The following PREP variants were observed in gnomAD, a reference collection of about 807,000 sequenced individuals.
PREP encodes the protein dJ355L5.1 (prolyl endopeptidase).
Under a neutral mutation model 87.6 loss-of-function variants are expected in PREP, and 29 were observed. The ratio of observed to expected loss-of-function variants is 0.33; its 90% CI spans 0.25 to 0.45. PREP has a LOEUF of 0.45. Among genes scored for constraint, PREP ranks in the 20% least tolerant of loss-of-function variants. The probability of loss-of-function intolerance (pLI) is 1.00; values close to 1 mark genes in which losing one functional copy is unlikely to be tolerated. For synonymous variants in PREP, 337 were observed against 328.6 expected, an observed-to-expected ratio of 1.03 and a Z score of -0.28; for missense variants, 695 against 886.5, an observed-to-expected ratio of 0.78 and a Z score of 2.74.
At chr6:105,390,717 C>T (rs1457827226) in intron 2 of PREP, among the ~76,000 whole-genome samples, 1 of 152,142 alleles carries the variant, frequency 6.6e-6, no homozygotes, top group Non-Finnish European at 1.5e-5. Flanking sequence ...ATTACTTCTA[C>T]TTGGACCCCT....
chr6:105,281,984 C>T, intron 13 of PREP, 82 bp from the exon 14 acceptor site: 2 of 1,494,506 alleles, frequency 1.3e-6, no homozygotes, highest in Non-Finnish European at 9.0e-7. Context: ...TACTTACTTA[C>T]ATGCTTCCAG....
intron 7 of PREP, among the ~76,000 whole-genome samples, chr6:105,343,646 T>C (rs143849925): frequency 0.13 from 19,074 of 151,864 alleles, 2,015 homozygotes; most frequent in African/African-American, 0.29. Context: ...AGGGCTAATA[T>C]CTAGAATCTA....
rs758289427 is a variant in PREP at position 105,276,410 on chromosome 6, T to C, written c.*1734A>G. Among the ~76,000 whole-genome samples, 2 of 152,248 alleles carry C rather than the reference T, an allele frequency of 1.3e-5. No homozygotes were observed. Among genetic ancestry groups the C allele is most frequent in the Non-Finnish European group, 2.9e-5 (2 of 68,036 alleles). On this transcript the variant is annotated 3_prime_UTR_variant, in exon 15 of 15. Coordinates refer to ENST00000652536, the MANE Select transcript of PREP (RefSeq NM_002726.5). ...AAGTATGGTTAGATTCTGTGCAACCTTGAAAATGCTCTGGACTCAGTGGGT... is the reference window on the plus strand; with the variant it reads ...AAGTATGGTTAGATTCTGTGCAACCCTGAAAATGCTCTGGACTCAGTGGGT...
chr6:105,387,680 C>A (rs1408524556), intron 2 of PREP, among the ~76,000 whole-genome samples: 1 of 151,296 alleles, frequency 6.6e-6, no homozygotes, highest in Non-Finnish European at 1.5e-5. Flanking sequence ...AAAAAAAAAT[C>A]TCATAATGTT....
intron 6 of PREP, among the ~76,000 whole-genome samples, chr6:105,361,519 A>C (rs1055577018): frequency 1.3e-5 from 2 of 152,154 alleles, no homozygotes; most frequent in Non-Finnish European, 2.9e-5. Context: ...TTTCAAACTG[A>C]GGAAGGTATT....
chr6:105,355,603 T>C (rs937803383), intron 6 of PREP, among the ~76,000 whole-genome samples: 5 of 152,246 alleles, frequency 3.3e-5, no homozygotes, highest in South Asian at 2.1e-4. Context: ...TTGAGATTAA[T>C]TGAGCTTCCT....
chr6:105,348,859 A>G (rs1771869021), intron 7 of PREP, among the ~76,000 whole-genome samples: 1 of 151,502 alleles, frequency 6.6e-6, no homozygotes, highest in South Asian at 2.1e-4. Context: ...AGCCTGGGTG[A>G]CAGAGCAAGA....
chr6:105,287,384 A>G (rs1228496173), intron 11 of PREP, among the ~76,000 whole-genome samples: 1 of 152,188 alleles, frequency 6.6e-6, no homozygotes, highest in Non-Finnish European at 1.5e-5. Flanking sequence ...ATTTACTCAT[A>G]TGATGATGCC....
chr6:105,358,435 C>G (rs1772158618), intron 6 of PREP, among the ~76,000 whole-genome samples: 1 of 152,088 alleles, frequency 6.6e-6, no homozygotes, highest in Non-Finnish European at 1.5e-5. Flanking sequence ...GAAGAAAGTA[C>G]TAACATCTGT....
In PREP at chr6:105,276,337, A is replaced by G. The variant is rs1769930163; in HGVS notation, c.*1807T>C. On this transcript the variant is annotated 3_prime_UTR_variant, in exon 15 of 15. Transcript: ENST00000652536. The stretch of plus-strand genomic sequence containing the variant: ...ATTTGAACCCAGTCCTGATATCTGA[A>G]GCTCACACACTACACACTGTATTTT... Among the ~76,000 whole-genome samples, 1 of 150,960 alleles carries G rather than the reference A, an allele frequency of 6.6e-6. No individual in the cohort carries two copies. The highest frequency in any genetic ancestry group is 2.5e-5 in the African/African-American group (1 of 40,188).
chr6:105,366,672 T>C (rs1289272880), intron 6 of PREP, among the ~76,000 whole-genome samples: 2 of 152,234 alleles, frequency 1.3e-5, no homozygotes, highest in Non-Finnish European at 2.9e-5. Flanking sequence ...ATAACAATGC[T>C]GTGGAAAGCA....
At chr6:105,313,741 G>A (rs1562195895) in intron 10 of PREP, among the ~76,000 whole-genome samples, 1 of 152,200 alleles carries the variant, frequency 6.6e-6, no homozygotes, top group African/African-American at 2.4e-5. Context: ...TTCCAAAACA[G>A]ATCTGTGAAT....
chr6:105,351,859 T>C (rs1771961871), intron 7 of PREP, among the ~76,000 whole-genome samples: 1 of 152,168 alleles, frequency 6.6e-6, no homozygotes, highest in Non-Finnish European at 1.5e-5. Context: ...ATGTATCTCT[T>C]TTTCTTAATA....
intron 6 of PREP, among the ~76,000 whole-genome samples, chr6:105,360,300 G>A (rs550419998): frequency 2.0e-5 from 3 of 152,278 alleles, no homozygotes; most frequent in African/African-American, 7.2e-5. Flanking sequence ...GAAATTCCTT[G>A]GCAGGGAGGT....
rs368921394 is a variant in PREP at position 105,278,300 on chromosome 6, G to A, written c.1977C>T (p.Ile659=). Residue 659 remains isoleucine (I), a synonymous_variant, in exon 15 of 15, where the codon ATC becomes ATT. Coordinates refer to ENST00000652536, the MANE Select transcript of PREP (RefSeq NM_002726.5). This position sits in a 1 kb window ranked among gnomAD's most constrained non-coding sequence, Gnocchi z 4.2. ...SLKFIATLQY[I]VGRSRKQSNP... ...TGCTTTGCTTCCTGCTGCGGCCCACGATGTACTGAAGGGTGGCAATGAACT... is the reference window on the plus strand; with the variant it reads ...TGCTTTGCTTCCTGCTGCGGCCCACAATGTACTGAAGGGTGGCAATGAACT... 4.2e-5 allele frequency: 67 copies of A among 1,614,096 alleles called. No homozygotes were observed. The highest frequency in any genetic ancestry group is 5.4e-5 in the Non-Finnish European group (64 of 1,180,052).
chr6:105,276,498 T>G lies in PREP; in HGVS notation c.*1646A>C, dbSNP rs927042362. Among the ~76,000 whole-genome samples, 2 of 152,230 alleles carry G rather than the reference T, an allele frequency of 1.3e-5. No individual in the cohort carries two copies. Among genetic ancestry groups the G allele is most frequent in the Non-Finnish European group, 2.9e-5 (2 of 68,048 alleles). ...TCTAGGAAAGAGGCTGCCTCTGGCT[T>G]GACCATGCAAATGTATTTTCTTTCT... On this transcript the variant is annotated 3_prime_UTR_variant, in exon 15 of 15. Coordinates refer to ENST00000652536, the MANE Select transcript of PREP (RefSeq NM_002726.5).
chr6:105,291,311 TGAAG>T (rs1770292928), intron 10 of PREP, among the ~76,000 whole-genome samples: 1 of 152,206 alleles, frequency 6.6e-6, no homozygotes, highest in African/African-American at 2.4e-5. Flanking sequence ...TTTCCTTTCA[TGAAG>T]GATTTCTCTG....
In PREP at chr6:105,278,121, T is replaced by G; in HGVS notation, c.*23A>C. 1.3e-6 allele frequency: 2 copies of G among 1,592,278 alleles called. No individual in the cohort carries two copies. Among genetic ancestry groups the G allele is most frequent in the Non-Finnish European group, 1.7e-6 (2 of 1,165,648 alleles). On this transcript the variant is annotated 3_prime_UTR_variant, in exon 15 of 15. Coordinates refer to ENST00000652536, the MANE Select transcript of PREP (RefSeq NM_002726.5). This position sits in a 1 kb window ranked among gnomAD's most constrained non-coding sequence, Gnocchi z 4.2. ...AAGCCCTTGAGGTTTTCTGTCGCTG[T>G]CAGGAGGAAGCACGAAAACTGTTTA...
chr6:105,359,065 C>T (rs114689377), intron 6 of PREP, among the ~76,000 whole-genome samples: 1,922 of 152,288 alleles, frequency 0.013, 38 homozygotes, highest in South Asian at 0.068. Context: ...AACAAAGACA[C>T]AATTTAACAC....
Sources: gnomAD v4.1 joint callset for allele counts (sites outside exome capture counted in the v4.1 genomes callset) on GRCh38, gnomAD v4.1.1 for gene constraint, Gnocchi (gnomAD v3.1) non-coding constraint, MANE v1.5 for transcripts, NCBI Gene and HGNC (gene_info 2026-07-23, HGNC 2026-07-21) for gene names.